Variants in ABLIM2 observed in about 807,000 individuals in gnomAD.
ABLIM2 encodes the protein actin-binding LIM protein 2.
A neutral mutation model predicts 97.7 loss-of-function variants in ABLIM2; 53 were observed. The ratio of observed to expected loss-of-function variants is 0.54; its 90% confidence interval spans 0.44 to 0.68. The LOEUF (loss-of-function observed/expected upper bound fraction) is 0.68, where lower values mean the gene tolerates loss of function less well. Among genes scored for constraint, ABLIM2 ranks in the 30% least tolerant of loss-of-function variants. ABLIM2 has a pLI of 0.00. For synonymous variants in ABLIM2, 361 were observed against 345.8 expected, an observed-to-expected ratio of 1.04 and a Z score of -0.49; for missense variants, 835 against 867.2, an observed-to-expected ratio of 0.96 and a Z score of 0.47.
Position 7,998,531 on chromosome 4 carries a change from T to TG in ABLIM2, c.1619-5605dup, listed in dbSNP as rs1754956021. On this transcript the variant is annotated intron_variant, in intron 16 of 20. Transcript: ENST00000447017. The surrounding 1 kb of genome is among the most constrained non-coding windows in gnomAD (Gnocchi z 6.4). ...TCTTGGGGTGTCCTGTGTCGCTGGG[T>TG]GGGGGTGGGAGATGCCTGCCACGGG... 1 of 419,946 alleles carries TG rather than the reference T, an allele frequency of 2.4e-6. No homozygotes were observed. Among genetic ancestry groups the TG allele is most frequent in the Admixed American group, 2.6e-5 (1 of 38,198 alleles). The allele number at this position is 419,946 out of a possible 1,614,324, so 26.0% of individuals were successfully genotyped here. A position where few individuals can be genotyped will look rare whatever the true frequency, so the allele number is the denominator to read the frequency against.
intron 16 of ABLIM2, among the ~76,000 whole-genome samples, chr4:8,000,073 G>C (rs918797574): frequency 6.6e-6 from 1 of 152,118 alleles, no homozygotes; most frequent in African/African-American, 2.4e-5. Flanking sequence ...CTGGGTGCAC[G>C]GGCAGGAGGC....
chr4:8,024,436 G>A lies in ABLIM2; in HGVS notation c.1267+3323C>T, dbSNP rs552150237. Among the ~76,000 whole-genome samples, 84 of 152,286 alleles carry A rather than the reference G, an allele frequency of 5.5e-4. No individual in the cohort carries two copies. In the Middle Eastern group the frequency reaches 0.017, roughly 31 times the overall value. ...GGGGGGTGGGGCCAGGCCTTGCCTC[G>A]GGCAGCCGCCCCCGTACAGTGCCGT... On this transcript the variant is annotated intron_variant, in intron 12 of 20. Coordinates refer to ENST00000447017, the MANE Select transcript of ABLIM2 (RefSeq NM_001130083.2).
intron 1 of ABLIM2, among the ~76,000 whole-genome samples, chr4:8,131,646 G>T (rs115134480): frequency 2.1e-5 from 3 of 145,930 alleles, no homozygotes; most frequent in African/African-American, 7.8e-5. Flanking sequence ...ACAGCAGCCC[G>T]CATCCCCAGC....
At chr4:8,093,889 G>C (rs1305981589) in intron 3 of ABLIM2, among the ~76,000 whole-genome samples, 1 of 152,132 alleles carries the variant, frequency 6.6e-6, no homozygotes, top group Non-Finnish European at 1.5e-5. Flanking sequence ...TTTGTTTATA[G>C]TTTTCACCAA....
chr4:8,072,409 C>G lies in ABLIM2; in HGVS notation c.675+5219G>C. ...CCCCAGTTTGGGTGGGGTCTGCCCC[C>G]GACCCCAGGCCAGGGCCTCTCTGGT... On this transcript the variant is annotated intron_variant, in intron 6 of 20. Transcript: ENST00000447017. The surrounding 1 kb of genome is among the most constrained non-coding windows in gnomAD (Gnocchi z 5.8). Among the ~76,000 whole-genome samples, 1 of 152,194 alleles carries G rather than the reference C, an allele frequency of 6.6e-6. No individual in the cohort carries two copies. The highest frequency in any genetic ancestry group is 1.5e-5 in the Non-Finnish European group (1 of 68,040).
chr4:8,086,480 T>C (rs143762723), intron 4 of ABLIM2, among the ~76,000 whole-genome samples: 9 of 152,092 alleles, frequency 5.9e-5, no homozygotes, highest in African/African-American at 2.2e-4. Flanking sequence ...CCTGAGTAGC[T>C]GGGACTACAG....
intron 7 of ABLIM2, among the ~76,000 whole-genome samples, chr4:8,059,583 G>A (rs557132391): frequency 6.6e-6 from 1 of 152,112 alleles, no homozygotes; most frequent in Non-Finnish European, 1.5e-5. Context: ...AGGGGATGCC[G>A]TTGTCTCAGC....
chr4:8,124,689 G>A lies in ABLIM2; in HGVS notation c.11-18052C>T, dbSNP rs942927490. On this transcript the variant is annotated intron_variant, in intron 1 of 20. Transcript: ENST00000447017. This position sits in a 1 kb window ranked among gnomAD's most constrained non-coding sequence, Gnocchi z 6.1. Reference sequence around the variant, plus strand: ...AACTTTGGGGCTGTGTCTACTTTTTGGTGATTGTGAATAACACGGCTATGA... The same window carrying A: ...AACTTTGGGGCTGTGTCTACTTTTTAGTGATTGTGAATAACACGGCTATGA... 3.3e-5 allele frequency among the ~76,000 whole-genome samples: 5 copies of A among 152,280 alleles called. No homozygotes were observed. The highest frequency in any genetic ancestry group is 9.6e-5 in the African/African-American group (4 of 41,562).
Position 8,072,233 on chromosome 4 carries a change from G to A in ABLIM2, c.675+5395C>T, listed in dbSNP as rs966380508. Among the ~76,000 whole-genome samples the A allele has an allele frequency of 1.3e-5, 2 of 152,204 alleles. No homozygotes were observed. Among genetic ancestry groups the A allele is most frequent in the African/African-American group, 4.8e-5 (2 of 41,458 alleles). On this transcript the variant is annotated intron_variant, in intron 6 of 20. Coordinates refer to ENST00000447017, the MANE Select transcript of ABLIM2 (RefSeq NM_001130083.2). The surrounding 1 kb of genome is among the most constrained non-coding windows in gnomAD (Gnocchi z 5.8). ...TGGTTCCTTCCCGATGAACCAGGGC[G>A]CACCCCAAATTCTGTATTTGGCATT...
Position 8,127,699 on chromosome 4 carries a change from C to A in ABLIM2, c.11-21062G>T. 1 of 1,247,976 alleles carries A rather than the reference C, an allele frequency of 8.0e-7. No individual in the cohort carries two copies. Among genetic ancestry groups the A allele is most frequent in the Non-Finnish European group, 1.0e-6 (1 of 962,742 alleles). The allele number at this position is 1,247,976 out of a possible 1,614,324, so 77.3% of individuals were successfully genotyped here. ...GCCTCTGTGGCCCACAGGGCTCCCA[C>A]AAGGTCACGTGGCAGCTGCCACCCT... On this transcript the variant is annotated intron_variant, in intron 1 of 20. Coordinates refer to ENST00000447017, the MANE Select transcript of ABLIM2 (RefSeq NM_001130083.2). The surrounding 1 kb of genome is among the most constrained non-coding windows in gnomAD (Gnocchi z 7.3).
Position 8,125,879 on chromosome 4 carries a change from G to A in ABLIM2, c.11-19242C>T, listed in dbSNP as rs545232164. 1.3e-5 allele frequency among the ~76,000 whole-genome samples: 2 copies of A among 152,272 alleles called. No homozygotes were observed. Among genetic ancestry groups the A allele is most frequent in the African/African-American group, 2.4e-5 (1 of 41,564 alleles). ...TGGGCAGGAGGGCGAACTCACACTC[G>A]GCTGTGCGTGGGCAGCCTTGGGGGA... On this transcript the variant is annotated intron_variant, in intron 1 of 20. Coordinates refer to ENST00000447017, the MANE Select transcript of ABLIM2 (RefSeq NM_001130083.2). This position sits in a 1 kb window ranked among gnomAD's most constrained non-coding sequence, Gnocchi z 6.2.
At chr4:7,995,373 C>T (rs1244379535) in intron 16 of ABLIM2, among the ~76,000 whole-genome samples, 4 of 152,204 alleles carry the variant, frequency 2.6e-5, no homozygotes, top group Non-Finnish European at 2.9e-5. Context: ...ACGAGGCCTC[C>T]GAGGGGAAGG....
rs532022069 is a variant in ABLIM2, at chr4:8,028,952, G to A, written c.1168+704C>T. ...GAGGCATGCAGCAGCTGGCCAGGAAGGAAGCAGCTTGGAAAAATCCCTCGA... is the reference window on the plus strand; with the variant it reads ...GAGGCATGCAGCAGCTGGCCAGGAAAGAAGCAGCTTGGAAAAATCCCTCGA... On this transcript the variant is annotated intron_variant, in intron 11 of 20. Coordinates refer to ENST00000447017, the MANE Select transcript of ABLIM2 (RefSeq NM_001130083.2). Among the ~76,000 whole-genome samples, 3 of 152,374 alleles carry A rather than the reference G, an allele frequency of 2.0e-5. No individual in the cohort carries two copies. The East Asian group carries it at 5.8e-4, about 29-fold the overall frequency.
At position 8,043,698 on chromosome 4, in the gene ABLIM2, C is replaced by T. The variant is rs2151702299; in HGVS notation, c.900+1466G>A. ...GATCCTGGGTTTCCAGGCTCTGGAACTTTGAGACAATTTATTTCTGTTGTT... is the reference window on the plus strand; with the variant it reads ...GATCCTGGGTTTCCAGGCTCTGGAATTTTGAGACAATTTATTTCTGTTGTT... On this transcript the variant is annotated intron_variant, in intron 9 of 20. Transcript: ENST00000447017. This position sits in a 1 kb window ranked among gnomAD's most constrained non-coding sequence, Gnocchi z 4.8. Among the ~76,000 whole-genome samples the T allele has an allele frequency of 6.6e-6, 1 of 152,282 alleles. No homozygotes were observed. Among genetic ancestry groups the T allele is most frequent in the East Asian group, 1.9e-4 (1 of 5,172 alleles).
intron 3 of ABLIM2, among the ~76,000 whole-genome samples, chr4:8,092,701 T>G (rs2152572104): frequency 6.6e-6 from 1 of 152,220 alleles, no homozygotes; most frequent in East Asian, 1.9e-4. Context: ...AAACCCCCTT[T>G]GGAAAAAGCA....
rs1815135385 is a variant in ABLIM2 at position 8,075,087 on chromosome 4, C to T, written c.675+2541G>A. Reference sequence around the variant, plus strand: ...GCATGAGCCACCGCTCCCGGCCCAGCCTGACAATTCTGAGAGTCATGATGA... The same window carrying T: ...GCATGAGCCACCGCTCCCGGCCCAGTCTGACAATTCTGAGAGTCATGATGA... On this transcript the variant is annotated intron_variant, in intron 6 of 20. Coordinates refer to ENST00000447017, the MANE Select transcript of ABLIM2 (RefSeq NM_001130083.2). The surrounding 1 kb of genome is among the most constrained non-coding windows in gnomAD (Gnocchi z 4.4). 2.0e-5 allele frequency among the ~76,000 whole-genome samples: 3 copies of T among 152,110 alleles called. No individual in the cohort carries two copies. In the South Asian group the frequency reaches 6.2e-4, roughly 32 times the overall value.
At chr4:8,109,036 G>A (rs1838961403) in intron 1 of ABLIM2, among the ~76,000 whole-genome samples, 1 of 152,228 alleles carries the variant, frequency 6.6e-6, no homozygotes, top group Non-Finnish European at 1.5e-5. Flanking sequence ...GGAACTCACT[G>A]GGGCCGTCCA....
chr4:8,115,471 C>T (rs1842406846), intron 1 of ABLIM2, among the ~76,000 whole-genome samples: 1 of 152,186 alleles, frequency 6.6e-6, no homozygotes, highest in Non-Finnish European at 1.5e-5. Context: ...AGTGCCTGAA[C>T]CCTAAGATGT....
intron 7 of ABLIM2, among the ~76,000 whole-genome samples, chr4:8,056,993 C>G (rs1178189516): frequency 3.7e-5 from 5 of 136,268 alleles, no homozygotes; most frequent in Admixed American, 2.9e-4. Context: ...AATTAAATAT[C>G]AAAACATGCA....
Sources: gnomAD v4.1 joint callset for allele counts (sites outside exome capture counted in the v4.1 genomes callset) on GRCh38, gnomAD v4.1.1 for gene constraint, Gnocchi (gnomAD v3.1) non-coding constraint, MANE v1.5 for transcripts, NCBI Gene and HGNC (gene_info 2026-07-23, HGNC 2026-07-21) for gene names.